C8orf34: variants seen among roughly 807,000 people sequenced by gnomAD.
The protein encoded by C8orf34 is uncharacterized protein C8orf34.
In C8orf34, 65 loss-of-function variants were observed where a neutral mutation model predicts 68.3. The ratio of observed to expected loss-of-function variants is 0.95; its 90% CI spans 0.78 to 1.17. The LOEUF is 1.17. C8orf34 is among the 50% of genes most tolerant of loss of function. The pLI, the probability that C8orf34 is intolerant of heterozygous loss-of-function variation, is 0.00. For synonymous variants in C8orf34, 244 were observed against 241.2 expected, an observed-to-expected ratio of 1.01 and a Z score of -0.11; for missense variants, 664 against 655.4, an observed-to-expected ratio of 1.01 and a Z score of -0.14.
intron 8 of C8orf34, among the ~76,000 whole-genome samples, chr8:68,679,201 C>T (rs188073260): frequency 1.9e-4 from 29 of 152,074 alleles, no homozygotes; most frequent in African/African-American, 6.0e-4. Flanking sequence ...GCAGGAGAAT[C>T]GCTTGTATCT....
chr8:68,698,423 G>T (rs570252057), intron 8 of C8orf34, among the ~76,000 whole-genome samples: 1 of 152,200 alleles, frequency 6.6e-6, no homozygotes, highest in South Asian at 2.1e-4. Context: ...GCACAGAAAA[G>T]CCTGGAAGTG....
intron 10 of C8orf34, among the ~76,000 whole-genome samples, chr8:68,726,876 C>G (rs1321378185): frequency 6.6e-6 from 1 of 152,158 alleles, no homozygotes; most frequent in South Asian, 2.1e-4. Context: ...CCACAACACA[C>G]GGGAATTCTG....
intron 4 of C8orf34, among the ~76,000 whole-genome samples, chr8:68,470,875 C>A (rs75490719): frequency 0.015 from 2,280 of 152,168 alleles, 22 homozygotes; most frequent in Non-Finnish European, 0.025. Flanking sequence ...CATCACATTG[C>A]GGATTAGAGT....
chr8:68,423,634 C>A (rs1183847763), intron 1 of C8orf34, among the ~76,000 whole-genome samples: 2 of 152,132 alleles, frequency 1.3e-5, no homozygotes, highest in Non-Finnish European at 2.9e-5. Context: ...TTACCCAATT[C>A]CAAAGTTGCT....
chr8:68,505,510 T>A (rs1169412800), intron 5 of C8orf34, among the ~76,000 whole-genome samples: 1 of 136,890 alleles, frequency 7.3e-6, no homozygotes, highest in Non-Finnish European at 1.5e-5. Context: ...GGCGGGTGGA[T>A]CATGAGGTCA....
chr8:68,772,816 T>G lies in C8orf34; in HGVS notation c.1405-3583T>G, dbSNP rs1009428254. Among the ~76,000 whole-genome samples the G allele has an allele frequency of 2.0e-5, 3 of 149,392 alleles. No individual in the cohort carries two copies. In the East Asian group the frequency reaches 5.8e-4, roughly 29 times the overall value. ...CTCCCTCCCTCCTTTCTTTCTTTCT[T>G]TCTGTCTGTCTTTCTTTTCTTTCTT... On this transcript the variant is annotated intron_variant, in intron 10 of 13. Transcript: ENST00000518698.
At chr8:68,391,010 G>T (rs1808458717) in intron 1 of C8orf34, among the ~76,000 whole-genome samples, 1 of 152,106 alleles carries the variant, frequency 6.6e-6, no homozygotes, top group Admixed American at 6.6e-5. Context: ...AAAGTCAACT[G>T]ATTGTAGTTG....
chr8:68,716,121 C>T (rs575426306), intron 9 of C8orf34, among the ~76,000 whole-genome samples: 214 of 149,448 alleles, frequency 1.4e-3, no homozygotes, highest in African/African-American at 4.9e-3. Flanking sequence ...GCTATGAGGA[C>T]GAAAAGGCAT....
At chr8:68,464,320 A>T (rs947070312) in intron 3 of C8orf34, among the ~76,000 whole-genome samples, 1 of 152,224 alleles carries the variant, frequency 6.6e-6, no homozygotes, top group Non-Finnish European at 1.5e-5. Context: ...AAATGGAAGA[A>T]TATTCCATGC....
intron 1 of C8orf34, among the ~76,000 whole-genome samples, chr8:68,425,228 A>G (rs532199637): frequency 6.6e-6 from 1 of 152,312 alleles, no homozygotes; most frequent in South Asian, 2.1e-4. Context: ...AGTTCTAGAC[A>G]AGGATGTTCA....
chr8:68,419,199 T>A (rs946422798), intron 1 of C8orf34, among the ~76,000 whole-genome samples: 4 of 151,408 alleles, frequency 2.6e-5, no homozygotes, highest in Admixed American at 1.3e-4. Flanking sequence ...AAAGAAGACA[T>A]TTATGCAGCC....
At chr8:68,668,389 G>A (rs1366564645) in intron 8 of C8orf34, among the ~76,000 whole-genome samples, 1 of 152,092 alleles carries the variant, frequency 6.6e-6, no homozygotes, top group Non-Finnish European at 1.5e-5. Context: ...ACTTATTTTT[G>A]TTGCTCAAAA....
Position 68,458,848 on chromosome 8 carries a change from G to C in C8orf34, c.608-9844G>C, listed in dbSNP as rs536830778. Among the ~76,000 whole-genome samples the C allele has an allele frequency of 7.9e-5, 12 of 152,286 alleles. No homozygotes were observed. The South Asian group carries it at 8.3e-4, about 11-fold the overall frequency. ...GTCCCAGGTTCCCTTAAACCAAGAA[G>C]CTCAGATGAGGCAGCTGCGTTCATT... On this transcript the variant is annotated intron_variant, in intron 3 of 13. Coordinates refer to ENST00000518698, the MANE Select transcript of C8orf34 (RefSeq NM_052958.4).
intron 1 of C8orf34, among the ~76,000 whole-genome samples, chr8:68,394,504 T>A (rs1037737403): frequency 2.0e-5 from 3 of 151,968 alleles, no homozygotes; most frequent in Non-Finnish European, 2.9e-5. Flanking sequence ...GACATTTGGG[T>A]TGGTTCCAAG....
chr8:68,443,934 G>A (rs1811016603), intron 2 of C8orf34, among the ~76,000 whole-genome samples: 1 of 149,220 alleles, frequency 6.7e-6, no homozygotes, highest in South Asian at 2.1e-4. Flanking sequence ...TATTTTTCTT[G>A]AATACTTATG....
At chr8:68,511,364 C>T (rs1258458334) in intron 5 of C8orf34, among the ~76,000 whole-genome samples, 1 of 152,050 alleles carries the variant, frequency 6.6e-6, no homozygotes, top group Non-Finnish European at 1.5e-5. Flanking sequence ...TTGGGCTGCA[C>T]AGTCTAAGCT....
chr8:68,337,352 C>T (rs1805893687), intron 1 of C8orf34, among the ~76,000 whole-genome samples: 1 of 152,040 alleles, frequency 6.6e-6, no homozygotes, highest in Admixed American at 6.6e-5. Flanking sequence ...CATGTATAAC[C>T]TGAACTGAAT....
intron 11 of C8orf34, among the ~76,000 whole-genome samples, chr8:68,781,725 G>A (rs1364472558): frequency 6.6e-6 from 1 of 152,008 alleles, no homozygotes; most frequent in Non-Finnish European, 1.5e-5. Flanking sequence ...TCTATTCCAG[G>A]GAAAACCAAA....
intron 7 of C8orf34, among the ~76,000 whole-genome samples, chr8:68,593,826 A>T (rs4552886): frequency 0.58 from 88,483 of 151,694 alleles, 25,994 homozygotes; most frequent in African/African-American, 0.62. Flanking sequence ...TTTAGTATTC[A>T]TGGCTATATT....
Sources: gnomAD v4.1 joint callset for allele counts (sites outside exome capture counted in the v4.1 genomes callset) on GRCh38, gnomAD v4.1.1 for gene constraint, MANE v1.5 for transcripts, NCBI Gene and HGNC (gene_info 2026-07-23, HGNC 2026-07-21) for gene names.